UVRAG: variants seen among roughly 807,000 people sequenced by gnomAD.
UVRAG encodes the protein UV radiation resistance associated.
UVRAG carries 19 observed loss-of-function variants against 78.0 expected under a neutral mutation model. That is an observed-to-expected ratio of 0.24 (90% CI 0.17 to 0.36). UVRAG has a LOEUF of 0.36. Ranked by LOEUF, UVRAG falls within the 10% of genes least tolerant of loss-of-function variation. The pLI, the probability that UVRAG is intolerant of heterozygous loss-of-function variation, is 1.00. For synonymous variants in UVRAG, 323 were observed against 324.6 expected, an observed-to-expected ratio of 1.00 and a Z score of 0.05; for missense variants, 740 against 853.8, an observed-to-expected ratio of 0.87 and a Z score of 1.66.
At chr11:76,029,221 A>G (rs577595213) in intron 12 of UVRAG, among the ~76,000 whole-genome samples, 1 of 152,306 alleles carries the variant, frequency 6.6e-6, no homozygotes, top group African/African-American at 2.4e-5. Flanking sequence ...AGAAAAAAAT[A>G]TTCCTTTCAA....
At chr11:76,082,356 C>G (rs532337962) in intron 13 of UVRAG, among the ~76,000 whole-genome samples, 1 of 151,742 alleles carries the variant, frequency 6.6e-6, no homozygotes, top group African/African-American at 2.4e-5. Flanking sequence ...CTGGCTAACA[C>G]GGTGAAACCC....
intron 5 of UVRAG, among the ~76,000 whole-genome samples, chr11:75,908,712 CTTTTTTTTT>C (rs1024795820): frequency 3.7e-4 from 17 of 45,446 alleles, no homozygotes; most frequent in African/African-American, 1.4e-3. Flanking sequence ...TGGTTCTGGG[CTTTTTTTTT>C]TTTTTTTTTT....
chr11:76,025,602 C>G (rs952728105), intron 12 of UVRAG, among the ~76,000 whole-genome samples: 1 of 152,090 alleles, frequency 6.6e-6, no homozygotes, highest in Admixed American at 6.6e-5. Context: ...AATGCTGTTT[C>G]CTTGATTTTG....
In UVRAG at chr11:75,840,617, CAG is replaced by C. The variant is rs34471129; in HGVS notation, c.118-11263_118-11262del. Among the ~76,000 whole-genome samples the C allele has an allele frequency of 6.1e-3, 925 of 152,242 alleles. 5 individuals carry two copies. Among genetic ancestry groups the C allele is most frequent in the Non-Finnish European group, 9.8e-3 (667 of 68,018 alleles). Reference sequence around the variant, plus strand: ...GACTGATTTGAACTTGGTGGGAGAGCAGAGTTAATTTCAGAATAAAGGCTTTA... The same window carrying C: ...GACTGATTTGAACTTGGTGGGAGAGCAGTTAATTTCAGAATAAAGGCTTTA... On this transcript the variant is annotated intron_variant, in intron 1 of 14. Transcript: ENST00000356136.
At chr11:75,854,056 G>A (rs1438776648) in intron 2 of UVRAG, among the ~76,000 whole-genome samples, 1 of 152,158 alleles carries the variant, frequency 6.6e-6, no homozygotes, top group African/African-American at 2.4e-5. Context: ...GATTACAGGT[G>A]TGAGCTACTG....
At chr11:76,118,100 C>T (rs1952217396) in intron 14 of UVRAG, among the ~76,000 whole-genome samples, 1 of 152,178 alleles carries the variant, frequency 6.6e-6, no homozygotes, top group South Asian at 2.1e-4. Context: ...TTAAAACATA[C>T]CTCCATGAGG....
At chr11:76,002,067 A>G (rs969016363) in intron 8 of UVRAG, among the ~76,000 whole-genome samples, 1 of 152,204 alleles carries the variant, frequency 6.6e-6, no homozygotes, top group African/African-American at 2.4e-5. Context: ...AGGACACAAC[A>G]TCAGTCATGT....
intron 6 of UVRAG, among the ~76,000 whole-genome samples, chr11:75,913,644 G>A (rs781330387): frequency 6.6e-5 from 10 of 152,128 alleles, no homozygotes; most frequent in Non-Finnish European, 1.5e-4. Context: ...AGGCCAAGAG[G>A]CATTAAATGT....
intron 1 of UVRAG, among the ~76,000 whole-genome samples, chr11:75,828,902 G>A (rs181243227): frequency 2.0e-4 from 29 of 147,988 alleles, no homozygotes; most frequent in African/African-American, 6.7e-4. Context: ...GTTTTTTTTG[G>A]TAGAGATAGG....
At chr11:75,883,054 A>G (rs573414268) in intron 4 of UVRAG, among the ~76,000 whole-genome samples, 4 of 152,308 alleles carry the variant, frequency 2.6e-5, no homozygotes, top group Non-Finnish European at 5.9e-5. Context: ...TATATATCCC[A>G]TCTATCTTCC....
chr11:75,839,699 AC>A (rs1434216776), intron 1 of UVRAG, among the ~76,000 whole-genome samples: 11 of 151,770 alleles, frequency 7.2e-5, no homozygotes, highest in African/African-American at 2.7e-4. Context: ...AATACTTTAA[AC>A]CATTTTTATT....
intron 12 of UVRAG, among the ~76,000 whole-genome samples, chr11:76,060,178 C>G (rs534910883): frequency 6.6e-6 from 1 of 151,538 alleles, no homozygotes; most frequent in Admixed American, 6.6e-5. Flanking sequence ...TCATGTGTTG[C>G]GTCTCTGTAG....
At chr11:76,059,913 T>C (rs1375171372) in intron 12 of UVRAG, among the ~76,000 whole-genome samples, 1 of 152,210 alleles carries the variant, frequency 6.6e-6, no homozygotes, top group Non-Finnish European at 1.5e-5. Flanking sequence ...AGAAGTAATC[T>C]TAATATGTAT....
chr11:75,899,256 G>A (rs1463183348), intron 5 of UVRAG, among the ~76,000 whole-genome samples: 1 of 151,922 alleles, frequency 6.6e-6, no homozygotes, highest in Non-Finnish European at 1.5e-5. Context: ...TATTTGAGCT[G>A]GTGTGATTGT....
intron 13 of UVRAG, among the ~76,000 whole-genome samples, chr11:76,100,406 GTGT>G (rs1437337405): frequency 6.6e-6 from 1 of 152,114 alleles, no homozygotes; most frequent in Non-Finnish European, 1.5e-5. Context: ...TTTATTGGAA[GTGT>G]TGATGAAATT....
At chr11:76,021,501 C>G (rs1264193467) in intron 12 of UVRAG, among the ~76,000 whole-genome samples, 1 of 151,806 alleles carries the variant, frequency 6.6e-6, no homozygotes, top group Non-Finnish European at 1.5e-5. Flanking sequence ...TGTTTTTTTG[C>G]TCTCCATTTT....
chr11:75,900,102 G>A (rs1034708808), intron 5 of UVRAG, among the ~76,000 whole-genome samples: 2 of 152,106 alleles, frequency 1.3e-5, no homozygotes, highest in East Asian at 3.9e-4. Flanking sequence ...CAATTTTTGA[G>A]CTTTTGAGAA....
intron 3 of UVRAG, chr11:75,878,541 A>G (rs1265640102): frequency 3.9e-5 from 7 of 180,506 alleles, no homozygotes; most frequent in Non-Finnish European, 6.8e-5. Flanking sequence ...GCGAGCCGAG[A>G]TCACGCCACT....
In UVRAG at chr11:75,983,588, A is replaced by G. The variant is rs189400179; in HGVS notation, c.826+75A>G. On this transcript the variant is annotated intron_variant, in intron 8 of 14. Transcript: ENST00000356136. ...TCCTTTCTTCTTCTTCACAAGCTCAAATAGTCATTTTTTGTGTAAATACAG... is the reference window on the plus strand; with the variant it reads ...TCCTTTCTTCTTCTTCACAAGCTCAGATAGTCATTTTTTGTGTAAATACAG... 118 of 1,468,486 alleles carry G rather than the reference A, an allele frequency of 8.0e-5. No individual in the cohort carries two copies. In the African/African-American group the frequency reaches 1.4e-3, roughly 17 times the overall value. The allele number at this position is 1,468,486 out of a possible 1,614,324, so 91.0% of individuals were successfully genotyped here. A position where few individuals can be genotyped will look rare whatever the true frequency, so the allele number is the denominator to read the frequency against.
Sources: allele counts gnomAD v4.1 joint callset (sites outside exome capture counted in the v4.1 genomes callset), GRCh38; gene constraint gnomAD v4.1.1; transcripts MANE v1.5; gene names NCBI Gene and HGNC (gene_info 2026-07-23, HGNC 2026-07-21).